CAPN14: variants seen among roughly 807,000 people sequenced by gnomAD.
CAPN14 encodes the protein calpain-14.
In CAPN14, 94 loss-of-function variants were observed where a neutral mutation model predicts 101.3. The ratio of observed to expected loss-of-function variants is 0.93; its 90% CI spans 0.79 to 1.10. The LOEUF (loss-of-function observed/expected upper bound fraction) is 1.10. Ranked by LOEUF, CAPN14 falls within the 50% of genes least tolerant of loss-of-function variation. The pLI is 0.00. For synonymous variants in CAPN14, 338 were observed against 317.9 expected, an observed-to-expected ratio of 1.06 and a Z score of -0.67; for missense variants, 837 against 828.4, an observed-to-expected ratio of 1.01 and a Z score of -0.13.
At chr2:31,226,377 T>C (rs964245024) in intron 2 of CAPN14, among the ~76,000 whole-genome samples, 3 of 152,234 alleles carry the variant, frequency 2.0e-5, no homozygotes, top group Admixed American at 2.0e-4. Context: ...TTCACATTTC[T>C]AATCTTTGTT....
intron 1 of CAPN14, among the ~76,000 whole-genome samples, chr2:31,231,089 T>TC (rs1683178038): frequency 6.6e-6 from 1 of 152,100 alleles, no homozygotes; most frequent in South Asian, 2.1e-4. Context: ...GTTACTGTTG[T>TC]CCTCTTCTCT....
intron 13 of CAPN14, 50 bp downstream of exon 13, chr2:31,189,223 G>T (rs778933711): frequency 1.3e-6 from 2 of 1,509,862 alleles, no homozygotes; most frequent in Non-Finnish European, 1.8e-6. Context: ...CTCCTTGCCT[G>T]TCCTCGTCCA....
At chr2:31,181,053 C>T (rs2148673015) in intron 16 of CAPN14, 53 bp from the exon 17 acceptor site, 1 of 1,452,442 alleles carries the variant, frequency 6.9e-7, no homozygotes, top group Non-Finnish European at 9.5e-7. Context: ...TCTGCACACC[C>T]CTTTTCTGAG....
intron 8 of CAPN14, 26 bp from the exon 9 acceptor site, chr2:31,194,509 G>A (rs1380397277): frequency 2.7e-6 from 4 of 1,495,666 alleles, no homozygotes; most frequent in Admixed American, 3.9e-5. Context: ...GGAATGAAAA[G>A]CTTGTGGGGA....
At position 31,180,924 on chromosome 2, in the gene CAPN14, C is replaced by T. The variant is rs1271498282; in HGVS notation, c.1710+12G>A. On this transcript the variant is annotated intron_variant, in intron 17 of 21. Transcript: ENST00000403897. ...CAACAGCAAGCATCCACCCACAAAC[C>T]TGAAAGGATACGTCCAGTAAGGCCA... 6.4e-7 allele frequency: 1 copy of T among 1,551,254 alleles called. No homozygotes were observed. The highest frequency in any genetic ancestry group is 2.4e-5 in the East Asian group (1 of 40,910).
At chr2:31,201,140 C>CGTGT (rs374003314) in intron 5 of CAPN14, among the ~76,000 whole-genome samples, 1 of 122,190 alleles carries the variant, frequency 8.2e-6, no homozygotes, top group Non-Finnish European at 1.7e-5. Context: ...TATGTGTGGA[C>CGTGT]GTGTGTGTGT....
At chr2:31,197,225 C>G (rs779886926) in intron 8 of CAPN14, 24 bp downstream of exon 8, 2 of 1,521,944 alleles carry the variant, frequency 1.3e-6, no homozygotes, top group South Asian at 2.4e-5. Flanking sequence ...GTTCTCACCC[C>G]TCCAAGATGT....
intron 18 of CAPN14, 52 bp from the exon 19 acceptor site, chr2:31,177,873 T>A: frequency 2.2e-6 from 3 of 1,360,258 alleles, no homozygotes; most frequent in Non-Finnish European, 3.1e-6. Flanking sequence ...CCAAGCACCA[T>A]CTGAGAGCCC....
At chr2:31,189,124 A>T (rs1338174201) in intron 13 of CAPN14, 149 bp downstream of exon 13, 17 of 682,142 alleles carry the variant, frequency 2.5e-5, no homozygotes, top group Non-Finnish European at 4.4e-5. Context: ...GATGTTCTCC[A>T]TGCAGAAAGT....
intron 8 of CAPN14, among the ~76,000 whole-genome samples, chr2:31,196,328 A>G (rs988358961): frequency 2.0e-5 from 3 of 152,228 alleles, no homozygotes; most frequent in African/African-American, 7.2e-5. Flanking sequence ...CCTCTATGAA[A>G]GAAACCGCCA....
intron 1 of CAPN14, among the ~76,000 whole-genome samples, chr2:31,205,855 G>A (rs905299851): frequency 6.6e-6 from 1 of 152,030 alleles, no homozygotes. Context: ...CAGTCCCCTG[G>A]GCCGGAGGGT....
chr2:31,176,685 T>A, intron 20 of CAPN14, 43 bp from the exon 21 acceptor site: 1 of 1,498,578 alleles, frequency 6.7e-7, no homozygotes, highest in Non-Finnish European at 9.1e-7. Context: ...ATGTGTCTAT[T>A]GGAAACATTA....
At chr2:31,193,028 ACT>A in intron 10 of CAPN14, 101 bp downstream of exon 10, 3 of 1,171,654 alleles carry the variant, frequency 2.6e-6, no homozygotes, top group Non-Finnish European at 2.4e-6. Context: ...CCTCCTCCCC[ACT>A]CAGCCAATGC....
chr2:31,218,907 G>C (rs532307033), upstream of CAPN14, among the ~76,000 whole-genome samples: 1 of 152,246 alleles, frequency 6.6e-6, no homozygotes, highest in South Asian at 2.1e-4. Flanking sequence ...ACCCTTCCTC[G>C]CATGGGTCTG....
chr2:31,184,278 G>A (rs77478333), intron 16 of CAPN14, among the ~76,000 whole-genome samples: 4,986 of 151,140 alleles, frequency 0.033, 122 homozygotes, highest in African/African-American at 0.061. Context: ...CTTTCATTAA[G>A]TCCAAAGGAA....
At chr2:31,215,331 C>T (rs904573252) in intron 1 of CAPN14, among the ~76,000 whole-genome samples, 6 of 151,574 alleles carry the variant, frequency 4.0e-5, no homozygotes, top group South Asian at 2.1e-4. Context: ...GCTAGATGAG[C>T]GGTCAGACTG....
At chr2:31,195,727 G>T (rs1681441252) in intron 8 of CAPN14, among the ~76,000 whole-genome samples, 1 of 152,082 alleles carries the variant, frequency 6.6e-6, no homozygotes, top group Non-Finnish European at 1.5e-5. Flanking sequence ...TGAAATAAAG[G>T]TTTGTCTTGA....
chr2:31,197,423 T>C (rs779217210), intron 7 of CAPN14, 89 bp from the exon 8 acceptor site: 26 of 874,962 alleles, frequency 3.0e-5, no homozygotes, highest in Non-Finnish European at 4.6e-5. Context: ...AGCTGAGCAC[T>C]TGCAGTGGAA....
chr2:31,193,350 C>A, intron 9 of CAPN14, 56 bp from the exon 10 acceptor site: 1 of 1,515,406 alleles, frequency 6.6e-7, no homozygotes, highest in Non-Finnish European at 8.9e-7. Flanking sequence ...GCCTAGTTAT[C>A]AGGACCCATG....
Sources: allele counts gnomAD v4.1 joint callset (sites outside exome capture counted in the v4.1 genomes callset), GRCh38; gene constraint gnomAD v4.1.1; transcripts MANE v1.5; gene names NCBI Gene and HGNC (gene_info 2026-07-23, HGNC 2026-07-21).